Variants in EVI5 observed in about 807,000 individuals in gnomAD.
EVI5 encodes the protein ecotropic viral integration site 5 protein homolog.
Under a neutral mutation model 112.0 loss-of-function variants are expected in EVI5, and 73 were observed. That is an observed-to-expected ratio of 0.65 (90% CI 0.54 to 0.79). EVI5 has a LOEUF of 0.79. EVI5 is among the 30% of genes least tolerant of loss of function. The pLI is 0.00. For missense variants in EVI5, 900 were observed against 968.8 expected (o/e 0.93, Z 0.94); for synonymous variants, 305 against 319.9 (o/e 0.95, Z 0.50).
intron 2 of EVI5, among the ~76,000 whole-genome samples, chr1:92,720,520 G>T (rs940055643): frequency 1.3e-5 from 2 of 151,940 alleles, no homozygotes; most frequent in African/African-American, 2.4e-5. Flanking sequence ...TATACAAAAA[G>T]TAATTCAAGA....
chr1:92,704,163 A>C (rs1671628174), intron 3 of EVI5, among the ~76,000 whole-genome samples: 1 of 152,042 alleles, frequency 6.6e-6, no homozygotes, highest in Non-Finnish European at 1.5e-5. Context: ...GAAAATAAAA[A>C]ATTAGCGAGG....
chr1:92,731,056 G>A (rs1676383705), intron 2 of EVI5, among the ~76,000 whole-genome samples: 1 of 152,170 alleles, frequency 6.6e-6, no homozygotes, highest in Non-Finnish European at 1.5e-5. Flanking sequence ...AGGCACAGTG[G>A]CTCAGGCCTG....
chr1:92,546,285 C>A (rs913025861), intron 19 of EVI5, among the ~76,000 whole-genome samples: 6 of 152,176 alleles, frequency 3.9e-5, no homozygotes, highest in Admixed American at 3.9e-4. Flanking sequence ...AAAGACAGAA[C>A]TAGAATCCAG....
chr1:92,753,342 C>CCAAT (rs928566202), intron 1 of EVI5, among the ~76,000 whole-genome samples: 12 of 152,028 alleles, frequency 7.9e-5, no homozygotes, highest in African/African-American at 2.4e-4. Flanking sequence ...AGTCAATCAA[C>CCAAT]CAATCAATCA....
At chr1:92,607,797 C>T (rs557938660) in intron 16 of EVI5, 70 bp from the exon 17 acceptor site, 2 of 915,432 alleles carry the variant, frequency 2.2e-6, no homozygotes, top group East Asian at 2.9e-5. Context: ...ATTACCTATC[C>T]ATTTTATACC....
At chr1:92,717,376 T>G (rs1673908453) in intron 2 of EVI5, among the ~76,000 whole-genome samples, 1 of 151,920 alleles carries the variant, frequency 6.6e-6, no homozygotes, top group Non-Finnish European at 1.5e-5. Flanking sequence ...CAGAAGAGAG[T>G]AGGGGCCAAT....
At chr1:92,661,345 C>G (rs535026661) in intron 13 of EVI5, among the ~76,000 whole-genome samples, 8 of 152,140 alleles carry the variant, frequency 5.3e-5, no homozygotes, top group African/African-American at 1.4e-4. Flanking sequence ...TTTTGCTCAC[C>G]AAGTTAAATT....
chr1:92,558,426 A>G (rs1571528398), intron 19 of EVI5, among the ~76,000 whole-genome samples: 1 of 152,140 alleles, frequency 6.6e-6, no homozygotes, highest in Non-Finnish European at 1.5e-5. Context: ...GCTCTTGTTT[A>G]CCTTTCTCTA....
chr1:92,588,238 C>A (rs1376641935), intron 18 of EVI5, among the ~76,000 whole-genome samples: 1 of 152,162 alleles, frequency 6.6e-6, no homozygotes, highest in Non-Finnish European at 1.5e-5. Flanking sequence ...ACTGATCACT[C>A]CCATGCTCAA....
At chr1:92,694,780 T>C (rs1449254939) in intron 7 of EVI5, among the ~76,000 whole-genome samples, 2 of 152,230 alleles carry the variant, frequency 1.3e-5, no homozygotes. Flanking sequence ...TTTCCCAAGA[T>C]GTAATTAATA....
intron 15 of EVI5, 45 bp downstream of exon 15, chr1:92,625,749 G>T (rs201552619): frequency 1.9e-6 from 3 of 1,565,994 alleles, no homozygotes; most frequent in South Asian, 1.1e-5. Flanking sequence ...TGGATATTTC[G>T]GTTTTACTCT....
At chr1:92,714,478 A>T (rs566807929) in intron 2 of EVI5, among the ~76,000 whole-genome samples, 31 of 152,348 alleles carry the variant, frequency 2.0e-4, no homozygotes, top group African/African-American at 7.2e-4. Flanking sequence ...ACAGAAGTAG[A>T]GAGAATTCAA....
intron 7 of EVI5, among the ~76,000 whole-genome samples, chr1:92,694,615 T>C (rs1428537433): frequency 6.6e-6 from 1 of 152,130 alleles, no homozygotes; most frequent in Non-Finnish European, 1.5e-5. Flanking sequence ...ACACGACATA[T>C]AAATAAATGG....
chr1:92,785,415 C>T (rs1359735790), upstream of EVI5, among the ~76,000 whole-genome samples: 2 of 152,226 alleles, frequency 1.3e-5, no homozygotes, highest in African/African-American at 4.8e-5. Flanking sequence ...CTCGCGCTGC[C>T]GCACCGACGC....
At chr1:92,584,170 G>C (rs1447106926) in intron 18 of EVI5, among the ~76,000 whole-genome samples, 1 of 151,956 alleles carries the variant, frequency 6.6e-6, no homozygotes, top group African/African-American at 2.4e-5. Flanking sequence ...GGTACATAAA[G>C]ATATATTCAA....
intron 8 of EVI5, 32 bp downstream of exon 8, chr1:92,694,264 CAAA>C (rs747110217): frequency 1.5e-4 from 162 of 1,052,032 alleles, no homozygotes; most frequent in Non-Finnish European, 1.7e-4. Flanking sequence ...AACTCTGTCT[CAAA>C]AAAAAAAAAA....
intron 18 of EVI5, among the ~76,000 whole-genome samples, chr1:92,585,901 T>C (rs934255619): frequency 9.9e-5 from 15 of 152,072 alleles, no homozygotes; most frequent in Non-Finnish European, 2.2e-4. Context: ...ACATTACATT[T>C]AGTTGTAATG....
At chr1:92,765,419 T>G (rs1345018627) in intron 1 of EVI5, among the ~76,000 whole-genome samples, 1 of 151,622 alleles carries the variant, frequency 6.6e-6, no homozygotes, top group Admixed American at 6.6e-5. Flanking sequence ...CTATTTATAT[T>G]GACCACCAAA....
In EVI5 at chr1:92,684,353, G is replaced by T. The variant is rs146193720; in HGVS notation, c.1098-7135C>A. 6.7e-3 allele frequency among the ~76,000 whole-genome samples: 1,026 copies of T among 152,302 alleles called. 12 individuals carry two copies. The highest frequency in any genetic ancestry group is 0.023 in the African/African-American group (944 of 41,568). On this transcript the variant is annotated intron_variant, in intron 9 of 19. Coordinates refer to ENST00000684568, the MANE Select transcript of EVI5 (RefSeq NM_001350197.2). ...AATTCTTTACAGACACAGAAATGCT[G>T]AGAGATTTTGTCACCACCAGGCCTG...
Sources: gnomAD v4.1 joint callset for allele counts (sites outside exome capture counted in the v4.1 genomes callset) on GRCh38, gnomAD v4.1.1 for gene constraint, MANE v1.5 for transcripts, NCBI Gene and HGNC (gene_info 2026-07-23, HGNC 2026-07-21) for gene names.